The following CHRNA4 variants were observed in gnomAD, a reference collection of about 807,000 sequenced individuals.
CHRNA4 encodes neuronal acetylcholine receptor subunit alpha-4.
A neutral mutation model predicts 48.9 loss-of-function variants in CHRNA4; 28 were observed. The ratio of observed to expected loss-of-function variants is 0.57; its 90% CI spans 0.42 to 0.79. The LOEUF (loss-of-function observed/expected upper bound fraction) is 0.79, where lower values mean the gene tolerates loss of function less well. Ranked by LOEUF, CHRNA4 falls within the 30% of genes least tolerant of loss-of-function variation. The probability of loss-of-function intolerance (pLI) is 0.00; values close to 1 mark genes in which losing one functional copy is unlikely to be tolerated. For synonymous variants in CHRNA4, 425 were observed against 402.3 expected (o/e 1.06, Z -0.68); for missense variants, 859 against 898.4 (o/e 0.96, Z 0.56).
intron 4 of CHRNA4, 86 bp from the exon 5 acceptor site, chr20:63,351,113 G>T (rs539268626): frequency 1.4e-6 from 2 of 1,437,712 alleles, no homozygotes; most frequent in Non-Finnish European, 1.9e-6. Flanking sequence ...CCATGCCCAC[G>T]TCCACACCCA....
intron 2 of CHRNA4, chr20:63,356,741 T>C (rs980879545): frequency 6.4e-6 from 3 of 470,494 alleles, no homozygotes; most frequent in East Asian, 8.0e-5. Context: ...CCTTGCTCCC[T>C]CCCGGCCCTT....
At chr20:63,352,952 C>T (rs994637764) in intron 4 of CHRNA4, among the ~76,000 whole-genome samples, 5 of 152,260 alleles carry the variant, frequency 3.3e-5, no homozygotes, top group African/African-American at 9.6e-5. Context: ...GGCTGAACCA[C>T]CCGGCCGTGA....
In CHRNA4 at chr20:63,345,671, G is replaced by C. The variant is rs200896432; in HGVS notation, c.*1067C>G. 2 of 453,880 alleles carry C rather than the reference G, an allele frequency of 4.4e-6. No homozygotes were observed. The highest frequency in any genetic ancestry group is 8.8e-6 in the Non-Finnish European group (2 of 226,642). 28.1% of individuals were successfully genotyped at this position (453,880 alleles called of 1,614,324 possible). A position where few individuals can be genotyped will look rare whatever the true frequency, so the allele number is the denominator to read the frequency against. On this transcript the variant is annotated 3_prime_UTR_variant, in exon 6 of 6. Transcript: ENST00000370263. The surrounding 1 kb of genome is among the most constrained non-coding windows in gnomAD (Gnocchi z 5.4). Reference sequence around the variant, plus strand: ...AGGCTTCTCAGGGACTTCCTGCCCCGAGGGTCCCAGCATCTCCCAGGTGGA... The same window carrying C: ...AGGCTTCTCAGGGACTTCCTGCCCCCAGGGTCCCAGCATCTCCCAGGTGGA...
rs2068562578 is a variant in CHRNA4, at chr20:63,350,068, G to A, written c.1343C>T (p.Pro448Leu). Residue 448 changes from proline to leucine, a missense_variant, in exon 5 of 6, where the codon CCC becomes CTC. Pro to Leu is a moderately conservative substitution (Grantham distance 98, BLOSUM62 -3). Transcript: ENST00000370263. ...EKASPHPSPG[P>L]CRPPHGTQAP... ...CTGGGTGCCGTGGGGCGGGCGGCAG[G>A]GTCCAGGCGAGGGGTGGGGGCTGGC... 5 of 1,514,102 alleles carry A rather than the reference G, an allele frequency of 3.3e-6. No individual in the cohort carries two copies. The highest frequency in any genetic ancestry group is 1.4e-5 in the African/African-American group (1 of 72,632). The allele number at this position is 1,514,102 out of a possible 1,614,324, so 93.8% of individuals were successfully genotyped here.
rs1003901384 is a variant in CHRNA4, at chr20:63,344,614, A to G, written c.*2124T>C. 7 of 453,036 alleles carry G rather than the reference A, an allele frequency of 1.5e-5. No homozygotes were observed. The highest frequency in any genetic ancestry group is 3.1e-5 in the Non-Finnish European group (7 of 226,344). The allele number at this position is 453,036 out of a possible 1,614,324, so 28.1% of individuals were successfully genotyped here. The stretch of plus-strand genomic sequence containing the variant: ...GTCACTCCTGACCCAGAAAAGAACA[A>G]CCACAGCTGGGCCCAGCACCCCGGG... On this transcript the variant is annotated 3_prime_UTR_variant, in exon 6 of 6. Coordinates refer to ENST00000370263, the MANE Select transcript of CHRNA4 (RefSeq NM_000744.7). This position sits in a 1 kb window ranked among gnomAD's most constrained non-coding sequence, Gnocchi z 4.5.
intron 4 of CHRNA4, 155 bp from the exon 5 acceptor site, chr20:63,351,182 C>T: frequency 1.9e-6 from 1 of 521,686 alleles, no homozygotes. Context: ...CGCCCACATC[C>T]ATGTCCCACG....
intron 2 of CHRNA4, 169 bp from the exon 3 acceptor site, chr20:63,356,584 G>A: frequency 1.4e-6 from 1 of 690,516 alleles, no homozygotes; most frequent in East Asian, 2.7e-5. Context: ...GCCGAGCCCA[G>A]GATGGGGACT....
At position 63,345,337 on chromosome 20, in the gene CHRNA4, G is replaced by C. The variant is rs201456779; in HGVS notation, c.*1401C>G. On this transcript the variant is annotated 3_prime_UTR_variant, in exon 6 of 6. Transcript: ENST00000370263. The surrounding 1 kb of genome is among the most constrained non-coding windows in gnomAD (Gnocchi z 5.4). Reference sequence around the variant, plus strand: ...CTTCCTGACTGTCTCCTCCTGAACCGATGTCACTCACAGGCAGGGGACACG... The same window carrying C: ...CTTCCTGACTGTCTCCTCCTGAACCCATGTCACTCACAGGCAGGGGACACG... The C allele has an allele frequency of 2.2e-6, 1 of 451,306 alleles. No individual in the cohort carries two copies. The highest frequency in any genetic ancestry group is 4.4e-6 in the Non-Finnish European group (1 of 224,932). The allele number at this position is 451,306 out of a possible 1,614,324, so 28.0% of individuals were successfully genotyped here.
At chr20:63,359,905 G>GTGCCGGGCGTGCGC in intron 1 of CHRNA4, 1 of 340,850 alleles carries the variant, frequency 2.9e-6, no homozygotes, top group Non-Finnish European at 5.3e-6. Context: ...TGCTGTGTGT[G>GTGCCGGGCGTGCGC]TGTGTGTGTG....
rs1361252520 is a variant in CHRNA4 at position 63,361,338 on chromosome 20, C to A, written c.-173G>T. The A allele has an allele frequency of 9.4e-7, 1 of 1,064,664 alleles. No individual in the cohort carries two copies. The highest frequency in any genetic ancestry group is 5.5e-5 in the East Asian group (1 of 18,316). The allele number at this position is 1,064,664 out of a possible 1,614,324, so 66.0% of individuals were successfully genotyped here. A position where few individuals can be genotyped will look rare whatever the true frequency, so the allele number is the denominator to read the frequency against. On this transcript the variant is annotated 5_prime_UTR_variant, in exon 1 of 6. Coordinates refer to ENST00000370263, the MANE Select transcript of CHRNA4 (RefSeq NM_000744.7). ...GCGGCGGCGGCGCGGCAGGGAGCGC[C>A]GGGCTGTGGGCTCCGTGGCGCGGCC...
rs542435870 is a variant in CHRNA4 at position 63,359,862 on chromosome 20, G to A, written c.77-163C>T. The A allele has an allele frequency of 1.5e-3, 1,187 of 781,858 alleles. 14 individuals are homozygous for A. The highest frequency in any genetic ancestry group is 0.01 in the East Asian group (353 of 34,468). The allele number at this position is 781,858 out of a possible 1,614,324, so 48.4% of individuals were successfully genotyped here. ...CCCAGGACCTGTGTGTGTGCCGGGC[G>A]TGCGCTCTGTGTGTGTGTGTGTGCC... is the stretch of plus-strand genomic sequence containing the variant. On this transcript the variant is annotated intron_variant, in intron 1 of 5. Coordinates refer to ENST00000370263, the MANE Select transcript of CHRNA4 (RefSeq NM_000744.7).
chr20:63,347,000 G>T, intron 5 of CHRNA4, 137 bp from the exon 6 acceptor site: 1 of 1,266,710 alleles, frequency 7.9e-7, no homozygotes, highest in Non-Finnish European at 1.1e-6. Context: ...GCTGGTGCAC[G>T]CGGCACACAG....
Position 63,361,330 on chromosome 20 carries a change from G to GCTGT in CHRNA4, c.-166_-165insACAG. 2 of 1,168,098 alleles carry GCTGT rather than the reference G, an allele frequency of 1.7e-6. No individual in the cohort carries two copies. The highest frequency in any genetic ancestry group is 2.1e-6 in the Non-Finnish European group (2 of 952,944). 72.4% of individuals were successfully genotyped at this position (1,168,098 alleles called of 1,614,324 possible). A position where few individuals can be genotyped will look rare whatever the true frequency, so the allele number is the denominator to read the frequency against. Reference sequence around the variant, plus strand: ...GGCGCGGTGCGGCGGCGGCGCGGCAGGGAGCGCCGGGCTGTGGGCTCCGTG... The same window carrying GCTGT: ...GGCGCGGTGCGGCGGCGGCGCGGCAGCTGTGGAGCGCCGGGCTGTGGGCTCCGTG... On this transcript the variant is annotated 5_prime_UTR_variant, in exon 1 of 6. Coordinates refer to ENST00000370263, the MANE Select transcript of CHRNA4 (RefSeq NM_000744.7).
intron 4 of CHRNA4, chr20:63,354,558 G>T: frequency 2.2e-6 from 2 of 909,192 alleles, no homozygotes; most frequent in Non-Finnish European, 2.6e-6. Flanking sequence ...GTCTTTGGAG[G>T]GCCGTGGTCC....
In CHRNA4 at chr20:63,351,024, A is replaced by C; in HGVS notation, c.387T>G (p.Ala129=). ...GGTGGGTGACCGCGAAGTCCCCGTC[A>C]GCACTGGGCAGGAAGAGAGCGAAGG... ...WRPDIVLYNN[A]DGDFAVTHLT... Residue 129 remains alanine (A), a synonymous_variant, in exon 5 of 6, where the codon GCT becomes GCG. Coordinates refer to ENST00000370263, the MANE Select transcript of CHRNA4 (RefSeq NM_000744.7). 6.2e-7 allele frequency: 1 copy of C among 1,612,128 alleles called. No individual in the cohort carries two copies. Among genetic ancestry groups the C allele is most frequent in the Non-Finnish European group, 8.5e-7 (1 of 1,179,732 alleles).
intron 5 of CHRNA4, among the ~76,000 whole-genome samples, chr20:63,347,409 G>A (rs985128332): frequency 4.6e-5 from 7 of 152,344 alleles, no homozygotes; most frequent in Admixed American, 2.0e-4. Context: ...GGCCTGTCTC[G>A]TTTTCACACT....
chr20:63,343,315 C>T lies in CHRNA4; in HGVS notation c.*3423G>A, dbSNP rs199851285. Reference sequence around the variant, plus strand: ...ACATTGCCTGCAGAAGCCGGGCGGCCGCACCTGGGCTCGGCGGGCCACACG... The same window carrying T: ...ACATTGCCTGCAGAAGCCGGGCGGCTGCACCTGGGCTCGGCGGGCCACACG... On this transcript the variant is annotated 3_prime_UTR_variant, in exon 6 of 6. Transcript: ENST00000370263. The T allele has an allele frequency of 1.6e-5, 7 of 446,860 alleles. No individual in the cohort carries two copies. Among genetic ancestry groups the T allele is most frequent in the South Asian group, 3.1e-5 (2 of 64,312 alleles). 27.7% of individuals were successfully genotyped at this position (446,860 alleles called of 1,614,324 possible). A position where few individuals can be genotyped will look rare whatever the true frequency, so the allele number is the denominator to read the frequency against.
intron 4 of CHRNA4, 190 bp from the exon 5 acceptor site, chr20:63,351,217 T>TCCACGC (rs137894034): frequency 1.8e-6 from 1 of 552,314 alleles, no homozygotes; most frequent in African/African-American, 2.1e-5. Context: ...CACGTCCACG[T>TCCACGC]CCACGCCCAC....
rs1468387456 is a variant in CHRNA4, at chr20:63,361,210, C to A, written c.-45G>T. On this transcript the variant is annotated 5_prime_UTR_variant, in exon 1 of 6. The change creates a premature stop within an existing upstream ORF in the 5' untranslated region. Transcript: ENST00000370263. Reference sequence around the variant, plus strand: ...CTCTAGATGCGGGCGGCTCCCGGCTCCCCGCCGCTTCGAGGCCCGTGCGCG... The same window carrying A: ...CTCTAGATGCGGGCGGCTCCCGGCTACCCGCCGCTTCGAGGCCCGTGCGCG... The A allele has an allele frequency of 6.9e-7, 1 of 1,451,028 alleles. No individual in the cohort carries two copies. The allele number at this position is 1,451,028 out of a possible 1,614,324, so 89.9% of individuals were successfully genotyped here.
Sources: gnomAD v4.1 joint callset for allele counts (sites outside exome capture counted in the v4.1 genomes callset) on GRCh38, gnomAD v4.1.1 for gene constraint, Gnocchi (gnomAD v3.1) non-coding constraint, MANE v1.5 for transcripts, NCBI Gene and HGNC (gene_info 2026-07-23, HGNC 2026-07-21) for gene names.